ZNF91: variants seen among roughly 807,000 people sequenced by gnomAD.
The protein encoded by ZNF91 is zinc finger protein 91.
ZNF91 carries 7 observed loss-of-function variants against 12.6 expected under a neutral mutation model. The ratio of observed to expected loss-of-function variants is 0.55; its 90% confidence interval spans 0.31 to 1.04. The LOEUF (loss-of-function observed/expected upper bound fraction) is 1.04. Ranked by LOEUF, ZNF91 falls within the 50% of genes least tolerant of loss-of-function variation. The pLI is 0.05. For synonymous variants in ZNF91, 453 were observed against 462.6 expected, an observed-to-expected ratio of 0.98 and a Z score of 0.27; for missense variants, 1,217 against 1,385.4, an observed-to-expected ratio of 0.88 and a Z score of 1.93.
At chr19:23,373,346 T>TTATATATATATATATATATA (rs200251921) in intron 3 of ZNF91, among the ~76,000 whole-genome samples, 6 of 85,800 alleles carry the variant, frequency 7.0e-5, no homozygotes, top group Non-Finnish European at 8.0e-5. Flanking sequence ...TCATGTAATC[T>TTATATATATATATATATATA]TATATATATA....
intron 2 of ZNF91, 127 bp downstream of exon 2, chr19:23,374,511 G>T (rs760506281): frequency 1.5e-4 from 147 of 988,006 alleles, no homozygotes; most frequent in Middle Eastern, 9.7e-4. Context: ...AATGAGCCAA[G>T]ATCTCGCCAC....
chr19:23,333,246 G>A (rs184869246), intron 1 of ZNF91, among the ~76,000 whole-genome samples: 2 of 152,274 alleles, frequency 1.3e-5, no homozygotes, highest in African/African-American at 2.4e-5. Context: ...TAGGCCCAAC[G>A]CCTTGAGAAC....
At chr19:23,344,043 G>A (rs186252234) in intron 3 of ZNF91, among the ~76,000 whole-genome samples, 1 of 152,194 alleles carries the variant, frequency 6.6e-6, no homozygotes, top group East Asian at 1.9e-4. Context: ...GCATATATGA[G>A]GATGCAACAT....
In ZNF91 at chr19:23,362,344, C is replaced by T. The variant is rs748461896; in HGVS notation, c.635G>A (p.Cys212Tyr). The T allele has an allele frequency of 1.9e-6, 3 of 1,613,414 alleles. No homozygotes were observed. The highest frequency in any genetic ancestry group is 1.1e-5 in the South Asian group (1 of 91,002). Residue 212 changes from cysteine to tyrosine, a missense_variant, in exon 4 of 4, where the codon TGT (cysteine) becomes TAT (tyrosine). Transcript: ENST00000300619. ...ATGAAAGGTTTTTTCACATTCTTTA[C>T]ATTTACAGGACTTCTCTGTAATATA... is the stretch of plus-strand genomic sequence containing the variant. ...CVYITEKSCK[C>Y]KECEKTFHWS...
upstream of ZNF91, among the ~76,000 whole-genome samples, chr19:23,310,868 T>C (rs1158740338): frequency 6.6e-6 from 1 of 152,212 alleles, no homozygotes; most frequent in Non-Finnish European, 1.5e-5. Flanking sequence ...TGTCACTTTT[T>C]TGCCTTAGCT....
At chr19:23,341,223 G>C (rs1228953126) in intron 3 of ZNF91, among the ~76,000 whole-genome samples, 1 of 151,862 alleles carries the variant, frequency 6.6e-6, no homozygotes, top group Non-Finnish European at 1.5e-5. Flanking sequence ...GCTAACTTTT[G>C]TATTTTTAGT....
chr19:23,369,578 G>A (rs1969184687), intron 3 of ZNF91, among the ~76,000 whole-genome samples: 1 of 152,150 alleles, frequency 6.6e-6, no homozygotes, highest in Admixed American at 6.5e-5. Flanking sequence ...GGGAAATGTG[G>A]GGAAAAGATA....
At chr19:23,366,392 C>G (rs916502739) in intron 3 of ZNF91, among the ~76,000 whole-genome samples, 2 of 152,078 alleles carry the variant, frequency 1.3e-5, no homozygotes, top group Non-Finnish European at 2.9e-5. Context: ...ATTGTAGACA[C>G]CAAAATCCCA....
intron 2 of ZNF91, 121 bp downstream of exon 2, chr19:23,374,517 G>C (rs8105269): frequency 0.19 from 195,692 of 1,032,656 alleles, 20,453 homozygotes; most frequent in African/African-American, 0.21. Context: ...CCAAGATCTC[G>C]CCACTGCACT....
downstream of ZNF91, among the ~76,000 whole-genome samples, chr19:23,336,158 A>G (rs193032433): frequency 8.5e-5 from 13 of 152,310 alleles, no homozygotes; most frequent in East Asian, 2.5e-3. Flanking sequence ...ATTAATTTTA[A>G]CATAATGAAG....
chr19:23,344,337 G>A lies in ZNF91; in HGVS notation c.254-5283C>T, dbSNP rs994693687. Among the ~76,000 whole-genome samples the A allele has an allele frequency of 3.3e-5, 5 of 151,912 alleles. No homozygotes were observed. The East Asian group carries it at 5.8e-4, about 18-fold the overall frequency. On this transcript the variant is annotated intron_variant, in intron 3 of 3. Transcript: ENST00000599743. ...TCTCGATCTCCTGACCTCATGATCC[G>A]CCCGCCTCGGCCTCCCAAATTGCTG...
At chr19:23,337,011 G>A (rs1968023111), downstream of ZNF91, among the ~76,000 whole-genome samples, 1 of 152,018 alleles carries the variant, frequency 6.6e-6, no homozygotes, top group Non-Finnish European at 1.5e-5. Context: ...AAATGTGTTG[G>A]GTGCAAGTAT....
At chr19:23,386,679 GTTAATT>G (rs1048291494) in intron 1 of ZNF91, among the ~76,000 whole-genome samples, 1 of 152,090 alleles carries the variant, frequency 6.6e-6, no homozygotes, top group Non-Finnish European at 1.5e-5. Context: ...AGACTGAAAT[GTTAATT>G]TTAAAATGAT....
chr19:23,326,146 T>C (rs1568369230), intron 1 of ZNF91: 2 of 152,202 alleles, frequency 1.3e-5, no homozygotes, highest in Non-Finnish European at 2.9e-5. Flanking sequence ...CCATCTCAAA[T>C]ACTACCTTTT....
chr19:23,311,757 G>C (rs1239702913), upstream of ZNF91, among the ~76,000 whole-genome samples: 1 of 152,096 alleles, frequency 6.6e-6, no homozygotes, highest in Non-Finnish European at 1.5e-5. Context: ...TGGCCCCCAC[G>C]TATATTGTGT....
intron 3 of ZNF91, among the ~76,000 whole-genome samples, chr19:23,346,592 C>G (rs568966437): frequency 2.2e-4 from 33 of 152,260 alleles, no homozygotes; most frequent in African/African-American, 7.0e-4. Flanking sequence ...CCAGAAGGAA[C>G]CACTAAACCT....
downstream of ZNF91, among the ~76,000 whole-genome samples, chr19:23,334,695 C>T (rs143939443): frequency 2.8e-4 from 42 of 152,240 alleles, no homozygotes; most frequent in Middle Eastern, 0.01. Context: ...GACTTCTTTT[C>T]TCTCAAAAAC....
At chr19:23,320,761 C>T (rs1285359285) in intron 1 of ZNF91, among the ~76,000 whole-genome samples, 2 of 152,160 alleles carry the variant, frequency 1.3e-5, no homozygotes, top group African/African-American at 4.8e-5. Flanking sequence ...CAGAGCCCAG[C>T]TCAAAGGTGA....
Position 23,361,809 on chromosome 19 carries a change from G to C in ZNF91, c.1170C>G (p.Leu390=), listed in dbSNP as rs761003562. The C allele has an allele frequency of 3.1e-6, 5 of 1,608,590 alleles. No homozygotes were observed. The highest frequency in any genetic ancestry group is 1.7e-4 in the Middle Eastern group (1 of 6,008). ...CKECDKAFKR[L]STLTKHKIIH... is the part of the protein sequence containing the mutation. ...TTATTTTATGTTTAGTAAGGGTTGA[G>C]AGTCGCTTAAAAGCTTTGTCACATT... The change falls in exon 4 of 4, where the codon CTC becomes CTG. Residue 390 remains leucine (L), a synonymous_variant. Transcript: ENST00000300619.
Sources: gnomAD v4.1 joint callset for allele counts (sites outside exome capture counted in the v4.1 genomes callset) on GRCh38, gnomAD v4.1.1 for gene constraint, MANE v1.5 for transcripts, NCBI Gene and HGNC (gene_info 2026-07-23, HGNC 2026-07-21) for gene names.